YAF2: variants seen among roughly 807,000 people sequenced by gnomAD.
YAF2 encodes YY1-associated factor 2.
A neutral mutation model predicts 20.1 loss-of-function variants in YAF2; 7 were observed. That is an observed-to-expected ratio of 0.35 (90% confidence interval 0.20 to 0.65). The LOEUF (loss-of-function observed/expected upper bound fraction) is 0.65. Ranked by LOEUF, YAF2 falls within the 30% of genes least tolerant of loss-of-function variation. The probability of loss-of-function intolerance (pLI) is 0.69; values close to 1 mark genes in which losing one functional copy is unlikely to be tolerated. For missense variants in YAF2, 151 were observed against 219.2 expected, an observed-to-expected ratio of 0.69 and a Z score of 1.96; for synonymous variants, 74 against 76.0, an observed-to-expected ratio of 0.97 and a Z score of 0.14.
intron 2 of YAF2, among the ~76,000 whole-genome samples, chr12:42,181,277 C>G (rs528614657): frequency 6.6e-6 from 1 of 152,140 alleles, no homozygotes; most frequent in African/African-American, 2.4e-5. Flanking sequence ...GTGCTTATTC[C>G]TGTTACACAG....
At chr12:42,190,481 G>A (rs1217057667) in intron 2 of YAF2, among the ~76,000 whole-genome samples, 1 of 152,134 alleles carries the variant, frequency 6.6e-6, no homozygotes, top group Non-Finnish European at 1.5e-5. Context: ...GACAAGTTCT[G>A]TTTTACTTAA....
At chr12:42,235,492 G>C (rs1484417519) in intron 2 of YAF2, 5 of 1,246,422 alleles carry the variant, frequency 4.0e-6, no homozygotes, top group Non-Finnish European at 5.1e-6. Context: ...AAACCACTAG[G>C]AAAATAACAG....
intron 2 of YAF2, among the ~76,000 whole-genome samples, chr12:42,204,816 C>T (rs1785110881): frequency 6.6e-6 from 1 of 151,962 alleles, no homozygotes; most frequent in South Asian, 2.1e-4. Flanking sequence ...GAAATCAATC[C>T]CTCCCAAAAC....
At chr12:42,224,420 C>T (rs1259819319) in intron 2 of YAF2, among the ~76,000 whole-genome samples, 1 of 152,030 alleles carries the variant, frequency 6.6e-6, no homozygotes, top group Non-Finnish European at 1.5e-5. Flanking sequence ...GATACATGTG[C>T]AGAACCTCCA....
At chr12:42,171,533 A>C (rs914933823) in intron 2 of YAF2, among the ~76,000 whole-genome samples, 3 of 152,092 alleles carry the variant, frequency 2.0e-5, no homozygotes, top group Non-Finnish European at 4.4e-5. Flanking sequence ...AGAAAGAAAG[A>C]AATATGTTAC....
At chr12:42,222,014 T>G (rs1429328376) in intron 2 of YAF2, among the ~76,000 whole-genome samples, 1 of 152,228 alleles carries the variant, frequency 6.6e-6, no homozygotes, top group African/African-American at 2.4e-5. Flanking sequence ...AGTAATTCTA[T>G]AATTTCCCAC....
chr12:42,179,789 C>G (rs915280944), intron 2 of YAF2, among the ~76,000 whole-genome samples: 2 of 85,130 alleles, frequency 2.3e-5, no homozygotes, highest in African/African-American at 4.3e-5. Context: ...GTCTAAAAGG[C>G]AAAAAAAAAA....
chr12:42,235,548 CAA>C (rs1464338553), intron 2 of YAF2: 14 of 1,360,242 alleles, frequency 1.0e-5, no homozygotes, highest in Admixed American at 3.1e-5. Context: ...GAGCCAAAAT[CAA>C]AAGAGAAGAG....
intron 2 of YAF2, among the ~76,000 whole-genome samples, chr12:42,208,520 C>T (rs919832086): frequency 6.6e-6 from 1 of 152,104 alleles, no homozygotes; most frequent in African/African-American, 2.4e-5. Context: ...TAAACTGTAT[C>T]ATTCAGCTAA....
At chr12:42,189,142 G>A (rs1252067735) in intron 2 of YAF2, among the ~76,000 whole-genome samples, 1 of 152,174 alleles carries the variant, frequency 6.6e-6, no homozygotes, top group Non-Finnish European at 1.5e-5. Context: ...AGAGCACTAT[G>A]AGCAAAGTCA....
At chr12:42,234,186 AAAAAAGAGAAAAGAAAAG>A (rs2068064963) in intron 2 of YAF2, 2 of 959,246 alleles carry the variant, frequency 2.1e-6, no homozygotes, top group African/African-American at 2.1e-5. Flanking sequence ...GCCTCAAAAA[AAAAAAGAGAAAAGAAAAG>A]AAAAGAAAAG....
chr12:42,170,605 T>A (rs11181361), intron 2 of YAF2, among the ~76,000 whole-genome samples: 29 of 152,112 alleles, frequency 1.9e-4, no homozygotes, highest in African/African-American at 6.5e-4. Context: ...ATCCTAGGAG[T>A]TCGAGACCTG....
intron 2 of YAF2, among the ~76,000 whole-genome samples, chr12:42,178,510 T>A (rs1377524167): frequency 6.6e-6 from 1 of 152,174 alleles, no homozygotes; most frequent in Non-Finnish European, 1.5e-5. Context: ...ATTATCGTCA[T>A]CTCTCCCCTC....
chr12:42,177,259 G>A (rs2066219801), intron 2 of YAF2, among the ~76,000 whole-genome samples: 1 of 152,064 alleles, frequency 6.6e-6, no homozygotes, highest in South Asian at 2.1e-4. Flanking sequence ...CAGTGTCTTA[G>A]TCTGCTTGGG....
At chr12:42,179,804 A>AAG (rs1555151399) in intron 2 of YAF2, among the ~76,000 whole-genome samples, 1 of 151,742 alleles carries the variant, frequency 6.6e-6, no homozygotes, top group Non-Finnish European at 1.5e-5. Context: ...AAAAAAAAAA[A>AAG]AAAAAGAAAT....
At chr12:42,202,696 T>G (rs983632105) in intron 2 of YAF2, among the ~76,000 whole-genome samples, 2 of 152,168 alleles carry the variant, frequency 1.3e-5, no homozygotes, top group Admixed American at 1.3e-4. Flanking sequence ...TGGAGTGCAA[T>G]GGCATGATCT....
chr12:42,227,796 G>T (rs1446782083), intron 2 of YAF2, among the ~76,000 whole-genome samples: 1 of 140,758 alleles, frequency 7.1e-6, no homozygotes, highest in Non-Finnish European at 1.5e-5. Context: ...GGAGGGAGGT[G>T]GGGGGGTCAG....
chr12:42,165,442 A>T (rs1287469553), intron 2 of YAF2, among the ~76,000 whole-genome samples: 2 of 152,030 alleles, frequency 1.3e-5, no homozygotes, highest in African/African-American at 4.8e-5. Context: ...TACACCTCGA[A>T]TGGCCAAAAG....
At chr12:42,204,907 A>T (rs1162311772) in intron 2 of YAF2, among the ~76,000 whole-genome samples, 1 of 152,198 alleles carries the variant, frequency 6.6e-6, no homozygotes, top group Non-Finnish European at 1.5e-5. Flanking sequence ...TAGATGCCTA[A>T]GGATAGAGGG....
Sources: allele counts gnomAD v4.1 joint callset (sites outside exome capture counted in the v4.1 genomes callset), GRCh38; gene constraint gnomAD v4.1.1; transcripts MANE v1.5; gene names NCBI Gene and HGNC (gene_info 2026-07-23, HGNC 2026-07-21).